RPH3A: variants seen among roughly 807,000 people sequenced by gnomAD.
The protein encoded by RPH3A is rabphilin 3A.
RPH3A carries 48 observed loss-of-function variants against 102.2 expected under a neutral mutation model. The ratio of observed to expected loss-of-function variants is 0.47; its 90% CI spans 0.37 to 0.60. RPH3A has a LOEUF of 0.60. Among genes scored for constraint, RPH3A ranks in the 20% least tolerant of loss-of-function variants. The pLI is 0.00. For synonymous variants in RPH3A, 310 were observed against 324.3 expected (o/e 0.96, Z 0.47); for missense variants, 781 against 910.1 (o/e 0.86, Z 1.83).
rs145245408 is a variant in RPH3A, at chr12:112,756,163, T to C, written c.-139-35980T>C. On this transcript the variant is annotated intron_variant, in intron 1 of 21. Coordinates refer to the RPH3A transcript ENST00000543106. ...GTGAGGAATATGCTGATTACCCCTA[T>C]TTGGTCATTACACATTGTATACATG... is the stretch of plus-strand genomic sequence containing the variant. 2.9e-3 allele frequency among the ~76,000 whole-genome samples: 443 copies of C among 151,962 alleles called. 1 individual carries two copies. The highest frequency in any genetic ancestry group is 9.7e-3 in the African/African-American group (404 of 41,460).
intron 1 of RPH3A, among the ~76,000 whole-genome samples, chr12:112,710,135 C>T (rs538303137): frequency 2.2e-4 from 34 of 152,210 alleles, no homozygotes; most frequent in Non-Finnish European, 4.3e-4. Flanking sequence ...CCACTACGCC[C>T]GGCTAATTTT....
chr12:112,774,239 T>C (rs559236508), intron 1 of RPH3A, among the ~76,000 whole-genome samples: 5 of 152,218 alleles, frequency 3.3e-5, no homozygotes, highest in African/African-American at 9.6e-5. Context: ...GATAGATATT[T>C]TGGATTAAAA....
chr12:112,745,856 A>G (rs757179393), intron 1 of RPH3A, among the ~76,000 whole-genome samples: 8 of 151,942 alleles, frequency 5.3e-5, no homozygotes, highest in Admixed American at 3.9e-4. Flanking sequence ...GGTGGCTTCC[A>G]ATTCTGTGGT....
chr12:112,889,928 G>T, intron 17 of RPH3A, 96 bp from the exon 18 acceptor site: 1 of 1,105,812 alleles, frequency 9.0e-7, no homozygotes, highest in Non-Finnish European at 1.4e-6. Context: ...CATGGCTCTG[G>T]ATGGTAATGG....
At chr12:112,658,627 G>A (rs2040029582) in intron 1 of RPH3A, among the ~76,000 whole-genome samples, 1 of 152,238 alleles carries the variant, frequency 6.6e-6, no homozygotes, top group Non-Finnish European at 1.5e-5. Flanking sequence ...TGTCAGCTGT[G>A]CAGGTGATAA....
chr12:112,690,759 T>C (rs1369100757), intron 1 of RPH3A, among the ~76,000 whole-genome samples: 4 of 152,180 alleles, frequency 2.6e-5, no homozygotes, highest in Admixed American at 2.0e-4. Flanking sequence ...AGCAAATGGA[T>C]TTCCACTTGC....
At chr12:112,800,959 A>C (rs1389059979) in intron 2 of RPH3A, among the ~76,000 whole-genome samples, 1 of 152,144 alleles carries the variant, frequency 6.6e-6, no homozygotes, top group Non-Finnish European at 1.5e-5. Flanking sequence ...CCGGAAGAAA[A>C]GGCAGCAGCG....
intron 1 of RPH3A, among the ~76,000 whole-genome samples, chr12:112,710,136 G>A (rs1168524481): frequency 1.3e-5 from 2 of 152,196 alleles, no homozygotes; most frequent in African/African-American, 2.4e-5. Context: ...CACTACGCCC[G>A]GCTAATTTTA....
intron 15 of RPH3A, among the ~76,000 whole-genome samples, chr12:112,882,714 C>T (rs1459080351): frequency 6.6e-6 from 1 of 152,210 alleles, no homozygotes; most frequent in Non-Finnish European, 1.5e-5. Flanking sequence ...GTTTGCTTCT[C>T]CTCTAGATGC....
rs563502749 is a variant in RPH3A at position 112,823,189 on chromosome 12, C to T, written c.-18-5112C>T. Among the ~76,000 whole-genome samples, 7 of 152,306 alleles carry T rather than the reference C, an allele frequency of 4.6e-5. No individual in the cohort carries two copies. In the East Asian group the frequency reaches 1.2e-3, roughly 25 times the overall value. On this transcript the variant is annotated intron_variant, in intron 2 of 21. Transcript: ENST00000389385. ...CAGAGGGCCAGGAATGGACAATCAC[C>T]AATCCTCTAGACACTTATCAGAACC...
At chr12:112,693,577 T>C (rs1341637688) in intron 1 of RPH3A, among the ~76,000 whole-genome samples, 2 of 152,216 alleles carry the variant, frequency 1.3e-5, no homozygotes, top group Admixed American at 6.5e-5. Flanking sequence ...CCTTTGCTCC[T>C]GCCACGTGGC....
intron 7 of RPH3A, among the ~76,000 whole-genome samples, chr12:112,867,254 C>T (rs1475958900): frequency 3.3e-5 from 5 of 151,934 alleles, no homozygotes; most frequent in African/African-American, 1.2e-4. Flanking sequence ...TTTCTCACAT[C>T]TTCACACCCT....
At chr12:112,832,041 C>T (rs11836582) in intron 3 of RPH3A, among the ~76,000 whole-genome samples, 49,572 of 151,886 alleles carry the variant, frequency 0.33, 8,486 homozygotes, top group African/African-American at 0.4. Flanking sequence ...TTTCTTTCTT[C>T]GATTCTCCCT....
Position 112,876,638 on chromosome 12 carries a change from G to T in RPH3A, c.947-4G>T. ...GCATGTTTCCTGTCCTTATCTCCCT[G>T]CAGAGGTGGCTCCGAGCGACCCTGG... On this transcript the variant is annotated splice_region_variant and splice_polypyrimidine_tract_variant and intron_variant, in intron 12 of 21. Coordinates refer to ENST00000389385, the MANE Select transcript of RPH3A (RefSeq NM_001143854.2). The T allele has an allele frequency of 6.3e-7, 1 of 1,597,808 alleles. No individual in the cohort carries two copies. The highest frequency in any genetic ancestry group is 1.3e-5 in the African/African-American group (1 of 74,552).
chr12:112,741,595 GGGA>G (rs796692308), intron 1 of RPH3A, among the ~76,000 whole-genome samples: 5 of 152,270 alleles, frequency 3.3e-5, no homozygotes, highest in African/African-American at 1.2e-4. Context: ...GGATAGAGAT[GGGA>G]GGAGAAGAGA....
chr12:112,717,975 T>A (rs140401178), intron 1 of RPH3A: 1 of 152,208 alleles, frequency 6.6e-6, no homozygotes, highest in South Asian at 2.1e-4. Flanking sequence ...TTGACCCTGC[T>A]TTGAAGCATG....
chr12:112,828,418 C>G (rs768536586), intron 3 of RPH3A, 29 bp downstream of exon 3: 21 of 1,553,962 alleles, frequency 1.4e-5, no homozygotes, highest in Non-Finnish European at 1.8e-5. Context: ...CTGGGAGTGG[C>G]TTGTTTTGAG....
intron 8 of RPH3A, 135 bp downstream of exon 8, chr12:112,868,730 A>G: frequency 2.3e-6 from 2 of 883,536 alleles, no homozygotes; most frequent in Non-Finnish European, 3.4e-6. Context: ...TGGGTCTAGG[A>G]CTCCTATATC....
intron 10 of RPH3A, among the ~76,000 whole-genome samples, chr12:112,870,468 CAT>C (rs2042689983): frequency 6.6e-6 from 1 of 152,086 alleles, no homozygotes; most frequent in East Asian, 1.9e-4. Context: ...ATGTCACTGA[CAT>C]GTGCTCGTAT....
Sources: gnomAD v4.1 joint callset for allele counts (sites outside exome capture counted in the v4.1 genomes callset) on GRCh38, gnomAD v4.1.1 for gene constraint, MANE v1.5 for transcripts, NCBI Gene and HGNC (gene_info 2026-07-23, HGNC 2026-07-21) for gene names.